STX5: variants seen among roughly 807,000 people sequenced by gnomAD.
STX5 encodes syntaxin-5.
Under a neutral mutation model 42.9 loss-of-function variants are expected in STX5, and 15 were observed. That is an observed-to-expected ratio of 0.35 (90% CI 0.23 to 0.54). The LOEUF (loss-of-function observed/expected upper bound fraction) is 0.54, where lower values mean the gene tolerates loss of function less well. STX5 is among the 20% of genes least tolerant of loss of function. STX5 has a pLI of 0.91. For synonymous variants in STX5, 184 were observed against 173.2 expected (o/e 1.06, Z -0.49); for missense variants, 430 against 455.0 (o/e 0.95, Z 0.50).
intron 2 of STX5, 121 bp from the exon 3 acceptor site, chr11:62,827,752 G>A: frequency 9.9e-7 from 1 of 1,010,718 alleles, no homozygotes; most frequent in Non-Finnish European, 1.5e-6. Flanking sequence ...AGATGATCTA[G>A]ATTTATGAGT....
chr11:62,821,586 G>A (rs1355909765), intron 10 of STX5, among the ~76,000 whole-genome samples: 1 of 151,508 alleles, frequency 6.6e-6, no homozygotes. Flanking sequence ...TTAGCTGGGA[G>A]TGGTGTGGGT....
rs1422798821 is a variant in STX5 at position 62,824,292 on chromosome 11, A to C, written c.787-5T>G. 1 of 1,614,224 alleles carries C rather than the reference A, an allele frequency of 6.2e-7. No homozygotes were observed. Among genetic ancestry groups the C allele is most frequent in the Admixed American group, 1.7e-5 (1 of 60,020 alleles). The stretch of plus-strand genomic sequence containing the variant: ...CCGACTCTGGATGTAGGAATCCTTC[A>C]GGAGAGGGAGAGAGCACATGAGCAC... On this transcript the variant is annotated splice_region_variant and splice_polypyrimidine_tract_variant and intron_variant, in intron 9 of 10. Coordinates refer to ENST00000294179, the MANE Select transcript of STX5 (RefSeq NM_003164.5).
rs761425627 is a variant in STX5 at position 62,807,539 on chromosome 11, C to T, written c.998G>A (p.Arg333Gln). 7.4e-6 allele frequency: 12 copies of T among 1,613,942 alleles called. No individual in the cohort carries two copies. The highest frequency in any genetic ancestry group is 5.5e-5 in the South Asian group (5 of 91,070). The change falls in exon 11 of 11, where the codon CGG (arginine) becomes CAG (glutamine). Residue 333 changes from arginine to glutamine, a missense_variant. Coordinates refer to ENST00000294179, the MANE Select transcript of STX5 (RefSeq NM_003164.5). ...GAGGAAGATTTTGACCATGAGCCAC[C>T]GGTTGGAGGTGACAGACTGGAAGTA... ...LKYFQSVTSNRWLMVKIFLIL... is the reference protein window; with the variant it reads ...LKYFQSVTSNQWLMVKIFLIL...
chr11:62,820,071 T>C (rs1170630941), intron 10 of STX5, among the ~76,000 whole-genome samples: 1 of 151,220 alleles, frequency 6.6e-6, no homozygotes, highest in African/African-American at 2.4e-5. Flanking sequence ...GGACGGAGAT[T>C]AAAATATGGG....
intron 10 of STX5, chr11:62,808,186 G>A (rs2084574034): frequency 6.5e-6 from 1 of 154,210 alleles, no homozygotes; most frequent in African/African-American, 2.4e-5. Flanking sequence ...AGCACTTTGG[G>A]AGGCTGAGGT....
chr11:62,808,820 T>C (rs966304857), intron 10 of STX5, among the ~76,000 whole-genome samples: 2 of 152,204 alleles, frequency 1.3e-5, no homozygotes, highest in African/African-American at 2.4e-5. Context: ...TGCCTACTAA[T>C]GTAATCATCG....
Position 62,831,094 on chromosome 11 carries a change from G to A in STX5, c.150C>T (p.Pro50=), listed in dbSNP as rs754973820. 1.9e-6 allele frequency: 3 copies of A among 1,556,244 alleles called. No individual in the cohort carries two copies. The Admixed American group carries it at 5.8e-5, about 30-fold the overall frequency. The change falls in exon 2 of 11, where the codon CCC becomes CCT. Residue 50 remains proline (P), a synonymous_variant. Transcript: ENST00000294179. The part of the protein sequence containing the change: ...PLPPPVTLVP[P]PPDTMSCRDR... ...CCCGGCAGGACATGGTGTCGGGAGG[G>A]GGAGGGACGAGGGTCACTGGGGGGG... is the stretch of plus-strand genomic sequence containing the variant.
chr11:62,818,904 A>G (rs2084706129), intron 10 of STX5, among the ~76,000 whole-genome samples: 1 of 151,856 alleles, frequency 6.6e-6, no homozygotes, highest in South Asian at 2.1e-4. Flanking sequence ...AGAATTCTAT[A>G]TCCAGAGAAA....
chr11:62,824,699 GC>G, intron 8 of STX5, 134 bp from the exon 9 acceptor site: 2 of 801,298 alleles, frequency 2.5e-6, no homozygotes, highest in South Asian at 1.6e-5. Context: ...ACCTCTCTGA[GC>G]CTCAGTTTCC....
At chr11:62,819,583 T>TCTC (rs1199517711) in intron 10 of STX5, among the ~76,000 whole-genome samples, 1 of 152,014 alleles carries the variant, frequency 6.6e-6, no homozygotes, top group Non-Finnish European at 1.5e-5. Flanking sequence ...AGTGGCCCAA[T>TCTC]CTCTGCTCAC....
At chr11:62,814,463 CTTCCT>C (rs766039910) in intron 10 of STX5, among the ~76,000 whole-genome samples, 1,397 of 56,316 alleles carry the variant, frequency 0.025, 19 homozygotes, top group African/African-American at 0.053. Context: ...ACCCGGGACT[CTTCCT>C]TTTTTTTTTT....
chr11:62,826,173 T>C (rs1233874733), intron 5 of STX5, among the ~76,000 whole-genome samples: 1 of 152,012 alleles, frequency 6.6e-6, no homozygotes, highest in Non-Finnish European at 1.5e-5. Context: ...AGAATCGTTT[T>C]GAACCTGGGA....
At chr11:62,811,207 C>T (rs1373649547) in intron 10 of STX5, among the ~76,000 whole-genome samples, 1 of 152,132 alleles carries the variant, frequency 6.6e-6, no homozygotes, top group Non-Finnish European at 1.5e-5. Flanking sequence ...CCCAGGGTTT[C>T]ACCAAGAGGC....
Position 62,825,181 on chromosome 11 carries a change from CCCACCAT to C in STX5, c.598-71_598-65del. ...AGAAAGCAGGCATGTTAAAGAGACT[CCCACCAT>C]TGGCCCCATGACCCTGTAGAACTTG... On this transcript the variant is annotated intron_variant, in intron 7 of 10. Coordinates refer to ENST00000294179, the MANE Select transcript of STX5 (RefSeq NM_003164.5). 6 of 1,611,030 alleles carry C rather than the reference CCCACCAT, an allele frequency of 3.7e-6. No individual in the cohort carries two copies. The African/African-American group carries it at 4.0e-5, about 11-fold the overall frequency.
chr11:62,827,064 T>G (rs1441982255), intron 5 of STX5, 91 bp downstream of exon 5: 2 of 1,267,544 alleles, frequency 1.6e-6, no homozygotes, highest in Non-Finnish European at 2.2e-6. Flanking sequence ...AAAAAGAAAC[T>G]TGCTCTGGGT....
In STX5 at chr11:62,824,218, T is replaced by C. The variant is rs902344655; in HGVS notation, c.856A>G (p.Ile286Val). Residue 286 changes from isoleucine (I) to valine (V), a missense_variant, in exon 10 of 11, where the codon ATC becomes GTC. Ile to Val is a conservative substitution (Grantham distance 29). Transcript: ENST00000294179. ...IESTIVELGS[I>V]FQQLAHMVKE... The stretch of plus-strand genomic sequence containing the variant: ...ACCATGTGTGCCAACTGCTGAAAGA[T>C]GGAGCCCAACTCAACAATTGTCGAC... The C allele has an allele frequency of 1.9e-6, 3 of 1,614,134 alleles. No individual in the cohort carries two copies. Among genetic ancestry groups the C allele is most frequent in the Non-Finnish European group, 2.5e-6 (3 of 1,180,054 alleles).
chr11:62,832,007 G>A lies in STX5; in HGVS notation c.-73C>T, dbSNP rs781536507. On this transcript the variant is annotated 5_prime_UTR_variant, in exon 1 of 11. Transcript: ENST00000294179. Reference sequence around the variant, plus strand: ...ACTTCCAATCTCACCGGCCGTCACTGCCTCCTCCCCGAGCACTGAAGCCGC... The same window carrying A: ...ACTTCCAATCTCACCGGCCGTCACTACCTCCTCCCCGAGCACTGAAGCCGC... 19 of 471,080 alleles carry A rather than the reference G, an allele frequency of 4.0e-5. No individual in the cohort carries two copies. Among genetic ancestry groups the A allele is most frequent in the East Asian group, 1.3e-4 (2 of 15,252 alleles). 29.2% of individuals were successfully genotyped at this position (471,080 alleles called of 1,614,324 possible).
At chr11:62,811,552 T>C (rs1486369556) in intron 10 of STX5, among the ~76,000 whole-genome samples, 3 of 152,130 alleles carry the variant, frequency 2.0e-5, no homozygotes, top group Non-Finnish European at 4.4e-5. Flanking sequence ...GCTTCTCCTT[T>C]CCCCTTTTTG....
intron 10 of STX5, chr11:62,815,885 G>A (rs1015811441): frequency 6.6e-6 from 1 of 151,834 alleles, no homozygotes; most frequent in Non-Finnish European, 1.5e-5. Context: ...TAGTTTCAGG[G>A]GTACATGTGT....
Sources: allele counts gnomAD v4.1 joint callset (sites outside exome capture counted in the v4.1 genomes callset), GRCh38; gene constraint gnomAD v4.1.1; transcripts MANE v1.5; gene names NCBI Gene and HGNC (gene_info 2026-07-23, HGNC 2026-07-21).